COL25A1: variants seen among roughly 807,000 people sequenced by gnomAD.
The protein encoded by COL25A1 is collagen alpha-1(XXV) chain.
In COL25A1, 103 loss-of-function variants were observed where a neutral mutation model predicts 128.4. The observed-to-expected ratio is 0.80, with a 90% CI of 0.68 to 0.94. The LOEUF (loss-of-function observed/expected upper bound fraction) is 0.94. COL25A1 is among the 40% of genes least tolerant of loss of function. The pLI, the probability that COL25A1 is intolerant of heterozygous loss-of-function variation, is 0.00. For synonymous variants in COL25A1, 279 were observed against 277.2 expected, an observed-to-expected ratio of 1.01 and a Z score of -0.06; for missense variants, 745 against 840.0, an observed-to-expected ratio of 0.89 and a Z score of 1.40.
In COL25A1 at chr4:108,832,456, T is replaced by C. The variant is rs768162833; in HGVS notation, c.1657-23A>G. ...ACCCTAAAAAAAAGATAATATGAGA[T>C]ATATCACAAGGGCTGCAAGAATAGC... On this transcript the variant is annotated intron_variant, in intron 31 of 37. Coordinates refer to ENST00000399132, the MANE Select transcript of COL25A1 (RefSeq NM_198721.4). The C allele has an allele frequency of 4.6e-6, 7 of 1,527,730 alleles. No individual in the cohort carries two copies. The South Asian group carries it at 8.1e-5, about 18-fold the overall frequency. The allele number at this position is 1,527,730 out of a possible 1,614,324, so 94.6% of individuals were successfully genotyped here. A position where few individuals can be genotyped will look rare whatever the true frequency, so the allele number is the denominator to read the frequency against.
intron 11 of COL25A1, among the ~76,000 whole-genome samples, chr4:108,926,935 G>A (rs1309897193): frequency 6.6e-6 from 1 of 151,970 alleles, no homozygotes. Context: ...AGAGTGCACT[G>A]CAATGTTTTC....
intron 24 of COL25A1, among the ~76,000 whole-genome samples, chr4:108,857,049 C>T (rs1736609456): frequency 6.6e-6 from 1 of 152,054 alleles, no homozygotes. Flanking sequence ...TAGCTTGCCT[C>T]ATGCCAGGCC....
chr4:108,952,288 A>G (rs1749525283), intron 8 of COL25A1, among the ~76,000 whole-genome samples: 1 of 152,164 alleles, frequency 6.6e-6, no homozygotes, highest in Non-Finnish European at 1.5e-5. Context: ...AAGCACATTT[A>G]TAATTAGAAT....
intron 8 of COL25A1, among the ~76,000 whole-genome samples, chr4:108,947,747 T>C (rs1419531736): frequency 6.6e-6 from 1 of 152,126 alleles, no homozygotes; most frequent in Non-Finnish European, 1.5e-5. Flanking sequence ...TAAATGCACA[T>C]AAATAACTCA....
intron 8 of COL25A1, among the ~76,000 whole-genome samples, chr4:108,966,686 C>T (rs1374129364): frequency 6.6e-6 from 1 of 151,772 alleles, no homozygotes; most frequent in Non-Finnish European, 1.5e-5. Context: ...CCTGTCTCTA[C>T]TAAAAATTAA....
At chr4:108,868,507 G>A (rs1738213930) in intron 20 of COL25A1, among the ~76,000 whole-genome samples, 1 of 146,404 alleles carries the variant, frequency 6.8e-6, no homozygotes, top group African/African-American at 2.5e-5. Flanking sequence ...AAGGAGGGAG[G>A]GAGGGAGAGA....
At chr4:108,930,758 G>A (rs762947195) in intron 11 of COL25A1, among the ~76,000 whole-genome samples, 1 of 152,180 alleles carries the variant, frequency 6.6e-6, no homozygotes, top group African/African-American at 2.4e-5. Flanking sequence ...GTCATCATGA[G>A]AATATATCTG....
intron 8 of COL25A1, 76 bp downstream of exon 8, chr4:108,974,291 A>T (rs1474685566): frequency 6.7e-7 from 1 of 1,486,224 alleles, no homozygotes; most frequent in Non-Finnish European, 9.4e-7. Flanking sequence ...GCAGTTATGA[A>T]GCTGGGGTAC....
At chr4:109,027,493 T>C (rs1294505157) in intron 5 of COL25A1, among the ~76,000 whole-genome samples, 2 of 151,678 alleles carry the variant, frequency 1.3e-5, no homozygotes, top group Non-Finnish European at 2.9e-5. Flanking sequence ...CAGGATGAAA[T>C]AGAAAGCCAT....
At chr4:108,832,525 A>G in intron 31 of COL25A1, 92 bp from the exon 32 acceptor site, 1 of 779,624 alleles carries the variant, frequency 1.3e-6, no homozygotes, top group Non-Finnish European at 2.1e-6. Flanking sequence ...ATGGTGCCTA[A>G]GAATATCAGT....
chr4:109,087,817 T>A (rs558304643), intron 3 of COL25A1, among the ~76,000 whole-genome samples: 88 of 152,218 alleles, frequency 5.8e-4, no homozygotes, highest in Non-Finnish European at 1.1e-3. Flanking sequence ...AGAATTCCCA[T>A]AATAGTTAGA....
At chr4:109,060,874 G>C (rs1761907816) in intron 3 of COL25A1, among the ~76,000 whole-genome samples, 1 of 151,966 alleles carries the variant, frequency 6.6e-6, no homozygotes, top group Non-Finnish European at 1.5e-5. Flanking sequence ...AACAACTCTT[G>C]ACTGTCCCTT....
At chr4:109,199,538 A>G in intron 3 of COL25A1, among the ~76,000 whole-genome samples, 1 of 151,480 alleles carries the variant, frequency 6.6e-6, no homozygotes, top group East Asian at 1.9e-4. Context: ...GTTATGATAT[A>G]GTATTATTTT....
At chr4:109,175,958 T>C (rs1363685085) in intron 3 of COL25A1, among the ~76,000 whole-genome samples, 2 of 152,370 alleles carry the variant, frequency 1.3e-5, no homozygotes, top group East Asian at 1.9e-4. Flanking sequence ...AAGAATGTTG[T>C]TTGATACAAC....
intron 8 of COL25A1, among the ~76,000 whole-genome samples, chr4:108,953,570 T>G (rs115513017): frequency 1.3e-5 from 2 of 152,136 alleles, no homozygotes; most frequent in African/African-American, 4.8e-5. Flanking sequence ...TGGGGAGACT[T>G]GGCTGAATAG....
chr4:109,100,417 GA>G (rs10706551), intron 3 of COL25A1, among the ~76,000 whole-genome samples: 34,265 of 139,716 alleles, frequency 0.25, 5,200 homozygotes, highest in African/African-American at 0.43. Flanking sequence ...ATTTTTGTGA[GA>G]AAAAAAAAAA....
intron 3 of COL25A1, among the ~76,000 whole-genome samples, chr4:109,123,683 G>A (rs1768314938): frequency 6.6e-6 from 1 of 152,056 alleles, no homozygotes; most frequent in Non-Finnish European, 1.5e-5. Flanking sequence ...TATTGATAAT[G>A]CTGGAATTGA....
At chr4:108,920,536 G>A in intron 12 of COL25A1, 42 bp downstream of exon 12, 1 of 1,526,240 alleles carries the variant, frequency 6.6e-7, no homozygotes, top group Non-Finnish European at 9.0e-7. Flanking sequence ...ATTAGGTCAT[G>A]AGAGCATAAT....
intron 3 of COL25A1, among the ~76,000 whole-genome samples, chr4:109,152,603 C>T (rs1326599633): frequency 1.3e-5 from 2 of 152,100 alleles, no homozygotes; most frequent in East Asian, 3.9e-4. Context: ...AAGCCAAAAG[C>T]TGAAAGCAAC....
Sources: allele counts gnomAD v4.1 joint callset (sites outside exome capture counted in the v4.1 genomes callset), GRCh38; gene constraint gnomAD v4.1.1; transcripts MANE v1.5; gene names NCBI Gene and HGNC (gene_info 2026-07-23, HGNC 2026-07-21).